Variants in DMD observed in about 807,000 individuals in gnomAD.
The protein encoded by DMD is dystrophin, also known as mutant dystrophin.
Under a neutral mutation model 330.1 loss-of-function variants are expected in DMD, and 63 were observed. The ratio of observed to expected loss-of-function variants is 0.19; its 90% confidence interval spans 0.16 to 0.24. DMD has a LOEUF of 0.24. DMD is among the 10% of genes least tolerant of loss of function. The pLI is 1.00. For synonymous variants in DMD, 1,223 were observed against 959.8 expected (o/e 1.27, Z -5.07); for missense variants, 3,344 against 2,684.1 (o/e 1.25, Z -5.43).
chrX:31,354,264 TG>T (rs1383049857), intron 60 of DMD, among the ~76,000 whole-genome samples: 1 of 112,150 alleles, frequency 8.9e-6, no homozygotes, highest in Non-Finnish European at 1.9e-5. Flanking sequence ...AATGAATTAA[TG>T]TACTGTTTAT....
intron 7 of DMD, among the ~76,000 whole-genome samples, chrX:32,781,614 G>A (rs1319195238): frequency 9.1e-6 from 1 of 109,426 alleles, no homozygotes; most frequent in Admixed American, 9.9e-5. Context: ...CTCTTCCCTT[G>A]CTGCTGCTTG....
intron 52 of DMD, among the ~76,000 whole-genome samples, chrX:31,699,475 T>A (rs749861415): frequency 8.9e-6 from 1 of 112,018 alleles, no homozygotes; most frequent in African/African-American, 3.2e-5. Context: ...ACATGTCAGT[T>A]AAAGGAAACT....
At chrX:33,035,601 ATTTG>A (rs889347193) in intron 1 of DMD, among the ~76,000 whole-genome samples, 2 of 111,955 alleles carry the variant, frequency 1.8e-5, no homozygotes, top group Admixed American at 9.5e-5. Flanking sequence ...ACTCAGAAAG[ATTTG>A]TTTGCTACCT....
intron 76 of DMD, among the ~76,000 whole-genome samples, chrX:31,142,853 C>G (rs1182442790): frequency 8.9e-6 from 1 of 112,024 alleles, no homozygotes. Context: ...AAGAACTGTA[C>G]AGAATACAAA....
chrX:33,247,600 A>G (rs1316451067), intron 1 of DMD, among the ~76,000 whole-genome samples: 1 of 111,557 alleles, frequency 9.0e-6, no homozygotes, highest in Non-Finnish European at 1.9e-5. Flanking sequence ...TTTAATCCCA[A>G]ATTGGTCTAC....
chrX:32,887,745 C>CAAAAAAAAAAAAAAAAA (rs771100080), intron 2 of DMD, among the ~76,000 whole-genome samples: 6 of 6,493 alleles, frequency 9.2e-4, no homozygotes, highest in Admixed American at 3.6e-3. Context: ...AAGACTGTCT[C>CAAAAAAAAAAAAAAAAA]AAAAAAAAAA....
intron 43 of DMD, among the ~76,000 whole-genome samples, chrX:32,240,529 G>T (rs769346012): frequency 9.0e-6 from 1 of 111,213 alleles, no homozygotes; most frequent in East Asian, 2.8e-4. Flanking sequence ...TGTTTATAAG[G>T]CATCCAGTCT....
intron 7 of DMD, among the ~76,000 whole-genome samples, chrX:32,787,213 A>AGTGT (rs72078806): frequency 0.086 from 7,101 of 82,922 alleles, 340 homozygotes; most frequent in African/African-American, 0.17. Flanking sequence ...CTCTCTGTCA[A>AGTGT]GTGTGTGTGT....
intron 47 of DMD, among the ~76,000 whole-genome samples, chrX:31,898,687 A>G (rs936930217): frequency 8.9e-6 from 1 of 112,197 alleles, no homozygotes; most frequent in Admixed American, 9.4e-5. Context: ...CCTAGGCATT[A>G]CAATTTCTTT....
At chrX:32,095,445 A>C (rs2148038550) in intron 44 of DMD, among the ~76,000 whole-genome samples, 1 of 111,215 alleles carries the variant, frequency 9.0e-6, no homozygotes, top group South Asian at 3.8e-4. Flanking sequence ...TCCCTCCCCA[A>C]AGAAAATCTT....
chrX:32,544,044 C>G (rs1317075717), intron 17 of DMD, among the ~76,000 whole-genome samples: 1 of 111,509 alleles, frequency 9.0e-6, no homozygotes, highest in South Asian at 3.7e-4. Context: ...CATTTGAAAA[C>G]GTAAAAACAC....
At chrX:31,341,887 GCGCGCA>G (rs2057773366) in intron 61 of DMD, among the ~76,000 whole-genome samples, 5 of 67,288 alleles carry the variant, frequency 7.4e-5, no homozygotes, top group African/African-American at 3.1e-4. Flanking sequence ...GTGCGTGCGC[GCGCGCA>G]CACACACACA....
chrX:32,887,745 C>CAAAAA (rs771100080), intron 2 of DMD, among the ~76,000 whole-genome samples: 72 of 6,490 alleles, frequency 0.011, 4 homozygotes, highest in African/African-American at 0.013. Flanking sequence ...AAGACTGTCT[C>CAAAAA]AAAAAAAAAA....
At chrX:33,144,224 T>A (rs1472783303) in intron 1 of DMD, among the ~76,000 whole-genome samples, 2 of 110,777 alleles carry the variant, frequency 1.8e-5, no homozygotes, top group African/African-American at 3.3e-5. Context: ...AGCTAAAAAA[T>A]TGATCTCATG....
intron 18 of DMD, among the ~76,000 whole-genome samples, chrX:32,514,502 G>A (rs1166457451): frequency 8.9e-6 from 1 of 112,033 alleles, no homozygotes; most frequent in Non-Finnish European, 1.9e-5. Context: ...AGCACTTTGG[G>A]AGGCCGAGGC....
intron 29 of DMD, among the ~76,000 whole-genome samples, chrX:32,425,663 A>C (rs1034836768): frequency 1.8e-5 from 2 of 111,405 alleles, no homozygotes; most frequent in African/African-American, 6.5e-5. Flanking sequence ...ACTTTGGAAC[A>C]CAGAGACTAT....
chrX:31,285,263 C>T (rs2053110623), intron 62 of DMD, among the ~76,000 whole-genome samples: 1 of 111,898 alleles, frequency 8.9e-6, no homozygotes, highest in African/African-American at 3.2e-5. Flanking sequence ...CTATTGAAAG[C>T]AATGATATAA....
At chrX:32,069,238 C>T (rs780470924) in intron 44 of DMD, among the ~76,000 whole-genome samples, 61 of 111,331 alleles carry the variant, frequency 5.5e-4, no homozygotes, top group African/African-American at 2.0e-3. Flanking sequence ...ACACATTATA[C>T]GCTTGTATCA....
intron 34 of DMD, among the ~76,000 whole-genome samples, chrX:32,371,298 C>T (rs993628734): frequency 2.7e-5 from 3 of 111,386 alleles, no homozygotes; most frequent in African/African-American, 9.7e-5. Flanking sequence ...CTGCATTTAA[C>T]ACCTTCAGTT....
Sources: allele counts gnomAD v4.1 joint callset (sites outside exome capture counted in the v4.1 genomes callset), GRCh38; gene constraint gnomAD v4.1.1; transcripts MANE v1.5; gene names NCBI Gene and HGNC (gene_info 2026-07-23, HGNC 2026-07-21).